The following CASZ1 variants were observed in gnomAD, a reference collection of about 807,000 sequenced individuals.
CASZ1 encodes castor zinc finger 1.
Under a neutral mutation model 135.2 loss-of-function variants are expected in CASZ1, and 28 were observed. That is an observed-to-expected ratio of 0.21 (90% CI 0.15 to 0.28). The LOEUF (loss-of-function observed/expected upper bound fraction) is 0.28. Ranked by LOEUF, CASZ1 falls within the 10% of genes least tolerant of loss-of-function variation. The pLI is 1.00. For synonymous variants in CASZ1, 1,068 were observed against 1,073.4 expected, an observed-to-expected ratio of 0.99 and a Z score of 0.10; for missense variants, 2,161 against 2,453.3, an observed-to-expected ratio of 0.88 and a Z score of 2.52.
chr1:10,763,207 T>C (rs910704395), intron 1 of CASZ1, among the ~76,000 whole-genome samples: 1 of 152,148 alleles, frequency 6.6e-6, no homozygotes, highest in Non-Finnish European at 1.5e-5. Context: ...GGTCAGAAAG[T>C]GCAGAGCGCA....
intron 1 of CASZ1, among the ~76,000 whole-genome samples, chr1:10,780,036 T>A (rs1312032992): frequency 6.6e-6 from 1 of 152,152 alleles, no homozygotes; most frequent in Non-Finnish European, 1.5e-5. Flanking sequence ...CTGGCCCTTG[T>A]GCCCAGAGAG....
At position 10,768,694 on chromosome 1, in the gene CASZ1, C is replaced by T. The variant is rs77821595; in HGVS notation, c.-233-7837G>A. 6.9e-3 allele frequency among the ~76,000 whole-genome samples: 1,045 copies of T among 152,296 alleles called. 15 individuals are homozygous for T. The highest frequency in any genetic ancestry group is 0.023 in the African/African-American group (968 of 41,558). ...GAGGGGAAGCAGAGCCCTGGCATCA[C>T]CACTGAGAGCCAATCAGCCGGCCGG... On this transcript the variant is annotated intron_variant, in intron 1 of 20. Transcript: ENST00000377022.
chr1:10,650,215 T>A (rs1642517416), intron 13 of CASZ1: 1 of 152,232 alleles, frequency 6.6e-6, no homozygotes, highest in Non-Finnish European at 1.5e-5. Flanking sequence ...AGATGATGTA[T>A]AATTTACAAA....
Position 10,639,282 on chromosome 1 carries a change from C to T in CASZ1, c.4940G>A (p.Gly1647Asp), listed in dbSNP as rs1642113945. The T allele has an allele frequency of 8.6e-7, 1 of 1,164,190 alleles. No homozygotes were observed. Among genetic ancestry groups the T allele is most frequent in the Non-Finnish European group, 1.1e-6 (1 of 941,370 alleles). The allele number at this position is 1,164,190 out of a possible 1,614,324, so 72.1% of individuals were successfully genotyped here. A position where few individuals can be genotyped will look rare whatever the true frequency, so the allele number is the denominator to read the frequency against. The change falls in exon 21 of 21, where the codon GGC becomes GAC. Residue 1647 changes from glycine to aspartate, a missense_variant. Around this residue, in one of 7 missense-constraint regions of CASZ1, gnomAD observed 240 missense variants for 321.4 expected, o/e 0.75. Coordinates refer to ENST00000377022, the MANE Select transcript of CASZ1 (RefSeq NM_001079843.3). This position sits in a 1 kb window ranked among gnomAD's most constrained non-coding sequence, Gnocchi z 4.0. ...AGLGLALGDA[G>D]DPGPPDAAAP... ...GGCGGCGTCGGGCGGGCCGGGGTCGCCCGCGTCGCCCAGCGCCAGGCCCAG... is the reference window on the plus strand; with the variant it reads ...GGCGGCGTCGGGCGGGCCGGGGTCGTCCGCGTCGCCCAGCGCCAGGCCCAG...
intron 2 of CASZ1, among the ~76,000 whole-genome samples, chr1:10,746,108 G>A (rs1286179869): frequency 1.3e-5 from 2 of 152,242 alleles, no homozygotes; most frequent in Non-Finnish European, 2.9e-5. Flanking sequence ...ATCATAGAGT[G>A]GCCTCGAGGC....
intron 3 of CASZ1, among the ~76,000 whole-genome samples, chr1:10,698,672 C>G (rs907150775): frequency 1.3e-5 from 2 of 152,136 alleles, no homozygotes; most frequent in Non-Finnish European, 2.9e-5. Context: ...GGGATGAAGC[C>G]AAGGGGCCAA....
chr1:10,668,914 C>G (rs980612567), intron 4 of CASZ1, among the ~76,000 whole-genome samples: 2 of 152,234 alleles, frequency 1.3e-5, no homozygotes, highest in Non-Finnish European at 2.9e-5. Context: ...AGAAACCTTA[C>G]CTGGCCTGGA....
rs1226074835 is a variant in CASZ1, at chr1:10,755,496, A to G, written c.-77+5205T>C. 6.6e-6 allele frequency among the ~76,000 whole-genome samples: 1 copy of G among 152,074 alleles called. No homozygotes were observed. The highest frequency in any genetic ancestry group is 1.5e-5 in the Non-Finnish European group (1 of 68,010). ...CCCTCCCAAATCCACGGGTTGTCCCATCCTTTGGATCAACTGCGTCACCCG... is the reference window on the plus strand; with the variant it reads ...CCCTCCCAAATCCACGGGTTGTCCCGTCCTTTGGATCAACTGCGTCACCCG... On this transcript the variant is annotated intron_variant, in intron 2 of 20. Transcript: ENST00000377022. The surrounding 1 kb of genome is among the most constrained non-coding windows in gnomAD (Gnocchi z 4.3).
chr1:10,686,235 A>G (rs1467305229), intron 4 of CASZ1, among the ~76,000 whole-genome samples: 2 of 152,070 alleles, frequency 1.3e-5, no homozygotes, highest in Non-Finnish European at 2.9e-5. Flanking sequence ...AGGAATATTT[A>G]CTCACTGGAC....
chr1:10,654,146 G>A lies in CASZ1; in HGVS notation c.1911C>T (p.Asp637=), dbSNP rs151000185. ...TGAAGCCGTCCTTGGCGTAGGCATC[G>A]TCCTTGATGTGGTAGCTCTTGTGCT... ...IEKHKSYHIK[D]DAYAKDGFKK... Residue 637 remains aspartate, a synonymous_variant, in exon 11 of 21, where the codon GAC becomes GAT. Coordinates refer to ENST00000377022, the MANE Select transcript of CASZ1 (RefSeq NM_001079843.3). The A allele has an allele frequency of 1.8e-5, 29 of 1,614,212 alleles. 1 individual carries two copies. Among genetic ancestry groups the A allele is most frequent in the Middle Eastern group, 3.3e-4 (2 of 6,062 alleles).
intron 1 of CASZ1, among the ~76,000 whole-genome samples, chr1:10,780,493 C>T (rs1485495672): frequency 6.6e-6 from 1 of 152,084 alleles, no homozygotes; most frequent in Non-Finnish European, 1.5e-5. Context: ...CTCAGGAGAC[C>T]CTCCTACCTC....
At position 10,647,935 on chromosome 1, in the gene CASZ1, C is replaced by T. The variant is rs922724550; in HGVS notation, c.3363G>A (p.Gln1121=). 3 of 1,612,782 alleles carry T rather than the reference C, an allele frequency of 1.9e-6. No individual in the cohort carries two copies. The highest frequency in any genetic ancestry group is 3.3e-5 in the Admixed American group (2 of 59,966). The part of the protein sequence containing the change: ...PSTPTLLAWK[Q]LASTIPQMPQ... Reference sequence around the variant, plus strand: ...GCATCTGGGGTATGGTGGAAGCCAGCTGCTTCCAGGCGAGCAGGGTGGGGG... The same window carrying T: ...GCATCTGGGGTATGGTGGAAGCCAGTTGCTTCCAGGCGAGCAGGGTGGGGG... Residue 1121 remains glutamine (Q), a synonymous_variant, in exon 16 of 21, where the codon CAG becomes CAA. Transcript: ENST00000377022. The surrounding 1 kb of genome is among the most constrained non-coding windows in gnomAD (Gnocchi z 4.9).
chr1:10,667,919 G>A (rs1050837562), intron 4 of CASZ1, among the ~76,000 whole-genome samples: 3 of 150,174 alleles, frequency 2.0e-5, no homozygotes, highest in Non-Finnish European at 4.4e-5. Context: ...CACCAGCTGC[G>A]GTGCAGCTGT....
intron 3 of CASZ1, among the ~76,000 whole-genome samples, chr1:10,703,235 G>C (rs918214537): frequency 6.6e-6 from 1 of 152,070 alleles, no homozygotes; most frequent in Non-Finnish European, 1.5e-5. Context: ...CTTTCCTCTC[G>C]GGCTTGGAGC....
intron 15 of CASZ1, 184 bp downstream of exon 15, chr1:10,648,886 G>A (rs771934040): frequency 1.8e-4 from 140 of 771,462 alleles, no homozygotes; most frequent in Non-Finnish European, 1.5e-4. Flanking sequence ...CAGAGCCCCC[G>A]GCTGAGGGCT....
In CASZ1 at chr1:10,796,412, T is replaced by TCGCTCGCTCGCC. The variant is rs1641072180; in HGVS notation, c.-234+140_-234+151dup. On this transcript the variant is annotated intron_variant, in intron 1 of 20. Coordinates refer to ENST00000377022, the MANE Select transcript of CASZ1 (RefSeq NM_001079843.3). ...CAGGCTGGCTGGCTGGCTCGCTCGC[T>TCGCTCGCTCGCC]CGCTCGCTCGCCCGCTCCCTGCTGC... is the stretch of plus-strand genomic sequence containing the variant. Among the ~76,000 whole-genome samples the TCGCTCGCTCGCC allele has an allele frequency of 2.6e-5, 4 of 151,676 alleles. No individual in the cohort carries two copies. In the South Asian group the frequency reaches 8.4e-4, roughly 32 times the overall value.
intron 1 of CASZ1, among the ~76,000 whole-genome samples, chr1:10,769,527 T>C (rs561490589): frequency 2.0e-5 from 3 of 151,832 alleles, no homozygotes; most frequent in Non-Finnish European, 4.4e-5. Flanking sequence ...AAATAGTTAA[T>C]TTTTTTTTGA....
At chr1:10,733,602 G>A (rs181739317) in intron 2 of CASZ1, among the ~76,000 whole-genome samples, 1 of 152,332 alleles carries the variant, frequency 6.6e-6, no homozygotes, top group Admixed American at 6.5e-5. Flanking sequence ...TCAGGGACGG[G>A]CACTGAGACT....
At chr1:10,789,907 G>A (rs1371163523) in intron 1 of CASZ1, among the ~76,000 whole-genome samples, 1 of 152,130 alleles carries the variant, frequency 6.6e-6, no homozygotes, top group African/African-American at 2.4e-5. Flanking sequence ...CAGAATTTAC[G>A]ACAGGCTTTA....
Sources: gnomAD v4.1 joint callset for allele counts (sites outside exome capture counted in the v4.1 genomes callset) on GRCh38, gnomAD v4.1.1 for gene constraint, gnomAD v4.1.1 regional missense constraint, Gnocchi (gnomAD v3.1) non-coding constraint, MANE v1.5 for transcripts, NCBI Gene and HGNC (gene_info 2026-07-23, HGNC 2026-07-21) for gene names.